RGS22: variants seen among roughly 807,000 people sequenced by gnomAD.
The protein encoded by RGS22 is regulator of G-protein signaling 22.
A neutral mutation model predicts 172.9 loss-of-function variants in RGS22; 148 were observed. The observed-to-expected ratio is 0.86, with a 90% CI of 0.75 to 0.98. RGS22 has a LOEUF of 0.98. Among genes scored for constraint, RGS22 ranks in the 50% least tolerant of loss-of-function variants. The pLI is 0.00. For missense variants in RGS22, 1,347 were observed against 1,440.8 expected (o/e 0.93, Z 1.05); for synonymous variants, 458 against 480.2 (o/e 0.95, Z 0.60).
chr8:99,976,400 T>TCA (rs931753123), intron 23 of RGS22, among the ~76,000 whole-genome samples: 2 of 151,970 alleles, frequency 1.3e-5, no homozygotes, highest in Admixed American at 1.3e-4. Flanking sequence ...CTTGCTCTGT[T>TCA]GCCCAGGCTG....
chr8:99,989,700 C>T (rs1166237217), intron 20 of RGS22, among the ~76,000 whole-genome samples: 2 of 152,046 alleles, frequency 1.3e-5, no homozygotes, highest in Admixed American at 1.3e-4. Flanking sequence ...AAAAAATAAG[C>T]CAGGTGTGGT....
chr8:100,034,585 T>C (rs1819230139), intron 14 of RGS22, among the ~76,000 whole-genome samples: 1 of 152,148 alleles, frequency 6.6e-6, no homozygotes, highest in African/African-American at 2.4e-5. Context: ...AAGCTACCAA[T>C]GACTTTCTTC....
chr8:100,046,478 C>A (rs1820728324), intron 11 of RGS22: 1 of 150,764 alleles, frequency 6.6e-6, no homozygotes, highest in Admixed American at 6.6e-5. Flanking sequence ...GATACATGTG[C>A]CTTCAGAACG....
chr8:99,987,547 TA>T lies in RGS22; in HGVS notation c.3090del (p.Thr1031LeufsTer11). On this transcript the variant is annotated frameshift_variant, in exon 21 of 28. Coordinates refer to ENST00000360863, the MANE Select transcript of RGS22 (RefSeq NM_015668.5). LOFTEE classifies it high-confidence loss of function. ...IAFRKALLNPVTSRQFQRFVA... is the reference protein window; with the variant it reads ...IAFRKALLNPXTSRQFQRFVA... Reference sequence around the variant, plus strand: ...ACAAAACGTTGAAATTGTCTTGAAGTAACTGGATTCAATAATGCTTTGCGAA... The same window carrying T: ...ACAAAACGTTGAAATTGTCTTGAAGTACTGGATTCAATAATGCTTTGCGAA... 6.2e-7 allele frequency: 1 copy of T among 1,611,846 alleles called. No homozygotes were observed. Among genetic ancestry groups the T allele is most frequent in the Non-Finnish European group, 8.5e-7 (1 of 1,178,840 alleles).
chr8:100,091,563 T>C (rs1236722516), intron 3 of RGS22, among the ~76,000 whole-genome samples: 1 of 152,210 alleles, frequency 6.6e-6, no homozygotes, highest in Non-Finnish European at 1.5e-5. Context: ...ATAATATTGT[T>C]ATGTCATCTC....
chr8:100,028,778 T>C (rs941925901), intron 14 of RGS22, among the ~76,000 whole-genome samples: 1 of 152,230 alleles, frequency 6.6e-6, no homozygotes, highest in East Asian at 1.9e-4. Context: ...TACAGAATTA[T>C]TGAATACTAT....
chr8:100,032,472 C>T (rs908455225), intron 14 of RGS22, among the ~76,000 whole-genome samples: 98 of 152,126 alleles, frequency 6.4e-4, no homozygotes, highest in African/African-American at 2.2e-3. Flanking sequence ...GCTAACTATC[C>T]TAAATATATA....
At chr8:100,048,060 T>C (rs1204562492) in intron 10 of RGS22, among the ~76,000 whole-genome samples, 3 of 152,068 alleles carry the variant, frequency 2.0e-5, no homozygotes, top group African/African-American at 7.2e-5. Context: ...ACAGCACTAT[T>C]TCCTTCCATT....
chr8:99,994,340 T>C (rs535641104), intron 20 of RGS22, among the ~76,000 whole-genome samples: 1 of 152,296 alleles, frequency 6.6e-6, no homozygotes, highest in East Asian at 1.9e-4. Flanking sequence ...TGTTTGCAGA[T>C]GACATGATTG....
chr8:100,057,348 T>C (rs1266262557), intron 9 of RGS22, among the ~76,000 whole-genome samples: 1 of 152,206 alleles, frequency 6.6e-6, no homozygotes, highest in Non-Finnish European at 1.5e-5. Context: ...CAAAATGAGT[T>C]AAGACTTTGG....
intron 3 of RGS22, among the ~76,000 whole-genome samples, chr8:100,085,977 A>T (rs979229785): frequency 1.3e-5 from 2 of 152,198 alleles, no homozygotes; most frequent in Admixed American, 6.5e-5. Flanking sequence ...GATGGCACAG[A>T]AGGATTCATT....
intron 14 of RGS22, among the ~76,000 whole-genome samples, chr8:100,031,287 T>G (rs533265108): frequency 6.6e-6 from 1 of 152,286 alleles, no homozygotes; most frequent in African/African-American, 2.4e-5. Flanking sequence ...TTTTTTTGCC[T>G]TCTACGTCAT....
At chr8:100,046,161 G>A (rs1563661842) in intron 11 of RGS22, 2 of 152,062 alleles carry the variant, frequency 1.3e-5, no homozygotes, top group Non-Finnish European at 2.9e-5. Context: ...TTTGAACTAT[G>A]TTTATATTTC....
chr8:99,977,809 T>C, intron 23 of RGS22, 108 bp downstream of exon 23: 1 of 882,848 alleles, frequency 1.1e-6, no homozygotes, highest in East Asian at 3.0e-5. Flanking sequence ...CTAATATCTG[T>C]ATTCCATAAC....
intron 20 of RGS22, among the ~76,000 whole-genome samples, chr8:99,992,612 T>C (rs1813882003): frequency 1.3e-5 from 2 of 152,170 alleles, no homozygotes; most frequent in Admixed American, 1.3e-4. Flanking sequence ...CCCAGATTCA[T>C]AAAGCAAGTC....
chr8:100,062,555 A>G, intron 9 of RGS22, 36 bp downstream of exon 9: 1 of 1,418,350 alleles, frequency 7.1e-7, no homozygotes, highest in Non-Finnish European at 9.8e-7. Context: ...TGGCGTAAGG[A>G]AAGTGAAAGT....
chr8:100,008,720 C>A (rs992778415), intron 14 of RGS22, 151 bp from the exon 15 acceptor site: 5 of 565,988 alleles, frequency 8.8e-6, no homozygotes, highest in South Asian at 2.7e-5. Flanking sequence ...CTACTTAACA[C>A]GAAGCAATGC....
rs185766552 is a variant in RGS22, at chr8:100,063,189, C to T, written c.1352+227G>A. ...CTAGAATGTATGGGCAGAAACATTA[C>T]GCAAACCCAAATAACTGTTATCATT... On this transcript the variant is annotated intron_variant, in intron 8 of 27. Transcript: ENST00000360863. Among the ~76,000 whole-genome samples the T allele has an allele frequency of 4.1e-4, 63 of 152,068 alleles. No homozygotes were observed. In the East Asian group the frequency reaches 9.5e-3, roughly 23 times the overall value.
chr8:99,967,846 G>C (rs1048802393), intron 23 of RGS22, among the ~76,000 whole-genome samples: 4 of 152,214 alleles, frequency 2.6e-5, no homozygotes, highest in Admixed American at 6.5e-5. Flanking sequence ...GCTCTGAAGA[G>C]AGCAAAAGAT....
Sources: allele counts gnomAD v4.1 joint callset (sites outside exome capture counted in the v4.1 genomes callset), GRCh38; gene constraint gnomAD v4.1.1; transcripts MANE v1.5; gene names NCBI Gene and HGNC (gene_info 2026-07-23, HGNC 2026-07-21).